Variants in PRKCQ observed in about 807,000 individuals in gnomAD.
The protein encoded by PRKCQ is protein kinase C theta.
PRKCQ carries 41 observed loss-of-function variants against 91.2 expected under a neutral mutation model. The observed-to-expected ratio is 0.45, with a 90% CI of 0.35 to 0.58. The LOEUF is 0.58. Ranked by LOEUF, PRKCQ falls within the 20% of genes least tolerant of loss-of-function variation. PRKCQ has a pLI of 0.00. For missense variants in PRKCQ, 673 were observed against 896.5 expected, an observed-to-expected ratio of 0.75 and a Z score of 3.18; for synonymous variants, 307 against 316.9, an observed-to-expected ratio of 0.97 and a Z score of 0.33.
rs987307086 is a variant in PRKCQ at position 6,506,533 on chromosome 10, G to A, written c.379+903C>T. On this transcript the variant is annotated intron_variant, in intron 4 of 17. Transcript: ENST00000263125. ...GTGTGCCTTTTAAAGAAACATAACC[G>A]CAATATTATTATCACACCTAAAAGA... 3.3e-5 allele frequency among the ~76,000 whole-genome samples: 5 copies of A among 151,868 alleles called. No individual in the cohort carries two copies. The East Asian group carries it at 5.8e-4, about 18-fold the overall frequency.
At chr10:6,496,950 G>A (rs1837649267) in intron 7 of PRKCQ, 85 bp downstream of exon 7, 1 of 1,221,736 alleles carries the variant, frequency 8.2e-7, no homozygotes, top group South Asian at 1.2e-5. Flanking sequence ...GCAAGTTCTG[G>A]CATTATTCTG....
chr10:6,433,901 G>A (rs1478195607), intron 16 of PRKCQ, among the ~76,000 whole-genome samples: 1 of 151,808 alleles, frequency 6.6e-6, no homozygotes, highest in Non-Finnish European at 1.5e-5. Flanking sequence ...TGTGGTGGTG[G>A]ACGCCTGTAA....
intron 1 of PRKCQ, among the ~76,000 whole-genome samples, chr10:6,543,521 T>C (rs1839846065): frequency 6.6e-6 from 1 of 152,196 alleles, no homozygotes; most frequent in Non-Finnish European, 1.5e-5. Context: ...TCAGGCATCA[T>C]TCTAAAGCCA....
intron 4 of PRKCQ, 146 bp from the exon 5 acceptor site, chr10:6,498,704 G>T: frequency 1.4e-6 from 1 of 699,116 alleles, no homozygotes; most frequent in Non-Finnish European, 2.4e-6. Context: ...TACTCATTAT[G>T]GTGGGTACCA....
At chr10:6,441,758 G>T in intron 16 of PRKCQ, 135 bp downstream of exon 16, 1 of 867,710 alleles carries the variant, frequency 1.2e-6, no homozygotes, top group Non-Finnish European at 1.7e-6. Context: ...AACACAGACG[G>T]TGCACATCCC....
chr10:6,439,393 G>A (rs776414801), intron 16 of PRKCQ, among the ~76,000 whole-genome samples: 3 of 152,198 alleles, frequency 2.0e-5, no homozygotes, highest in Admixed American at 6.5e-5. Flanking sequence ...GCAGGTTGGG[G>A]AGAGCTGGTC....
rs747509835 is a variant in PRKCQ, at chr10:6,430,915, C to A, written c.1860G>T (p.Lys620Asn). Residue 620 changes from lysine to asparagine, a missense_variant, in exon 17 of 18, where the codon AAG becomes AAT. Coordinates refer to ENST00000263125, the MANE Select transcript of PRKCQ (RefSeq NM_006257.5). This position sits in a 1 kb window ranked among gnomAD's most constrained non-coding sequence, Gnocchi z 4.7. ...LVKLFVREPEKRLGVRGDIRQ... is the reference protein window; with the variant it reads ...LVKLFVREPENRLGVRGDIRQ... Reference sequence around the variant, plus strand: ...GGATGTCTCCCCTCACGCCCAGCCTCTTCTCAGGTTCTCGCACGAAGAGCT... The same window carrying A: ...GGATGTCTCCCCTCACGCCCAGCCTATTCTCAGGTTCTCGCACGAAGAGCT... 34 of 1,614,124 alleles carry A rather than the reference C, an allele frequency of 2.1e-5. No homozygotes were observed. The South Asian group carries it at 3.3e-4, about 16-fold the overall frequency.
At chr10:6,507,604 A>C in intron 3 of PRKCQ, 108 bp from the exon 4 acceptor site, 2 of 950,722 alleles carry the variant, frequency 2.1e-6, no homozygotes, top group Non-Finnish European at 3.4e-6. Context: ...ACAGAATACA[A>C]TCATTGTTAC....
chr10:6,482,093 G>A (rs1230598205), intron 11 of PRKCQ, among the ~76,000 whole-genome samples: 2 of 151,086 alleles, frequency 1.3e-5, no homozygotes, highest in Admixed American at 6.6e-5. Flanking sequence ...ATGGCAGGAA[G>A]AATTTAGAGG....
At chr10:6,447,196 TAA>T (rs778835485) in intron 15 of PRKCQ, among the ~76,000 whole-genome samples, 12 of 151,580 alleles carry the variant, frequency 7.9e-5, no homozygotes, top group Admixed American at 3.3e-4. Flanking sequence ...ATCATGAGGT[TAA>T]GAGATCGAGA....
intron 1 of PRKCQ, among the ~76,000 whole-genome samples, chr10:6,517,588 CTTTTTTTTTTTTTTTTTTTTT>C (rs56306878): frequency 2.0e-5 from 1 of 49,482 alleles, no homozygotes; most frequent in Non-Finnish European, 3.5e-5. Flanking sequence ...AAGATAGCAT[CTTTTTTTTTTTTTTTTTTTTT>C]TTTTTTTTTT....
In PRKCQ at chr10:6,576,063, G is replaced by A. The variant is rs1372283170; in HGVS notation, c.-10+4148C>T. ...CAAAAAACACAAAACAAAAGACAGC[G>A]TTGCTGAGAATGTGGAATAATTGGG... On this transcript the variant is annotated intron_variant, in intron 1 of 17. Transcript: ENST00000263125. The surrounding 1 kb of genome is among the most constrained non-coding windows in gnomAD (Gnocchi z 4.2). 1.3e-5 allele frequency among the ~76,000 whole-genome samples: 2 copies of A among 151,948 alleles called. No homozygotes were observed. The highest frequency in any genetic ancestry group is 6.6e-5 in the Admixed American group (1 of 15,262).
chr10:6,549,314 G>C (rs935654740), intron 1 of PRKCQ, among the ~76,000 whole-genome samples: 12 of 152,188 alleles, frequency 7.9e-5, no homozygotes, highest in Admixed American at 5.9e-4. Flanking sequence ...AATTTATGTA[G>C]ATAGGGAGGA....
downstream of PRKCQ, among the ~76,000 whole-genome samples, chr10:6,422,339 G>A (rs1406787628): frequency 6.6e-6 from 1 of 152,132 alleles, no homozygotes; most frequent in Non-Finnish European, 1.5e-5. Context: ...TTAGAAAGGA[G>A]GAGACTGAGG....
At position 6,515,067 on chromosome 10, in the gene PRKCQ, C is replaced by T; in HGVS notation, c.69G>A (p.Glu23=). The T allele has an allele frequency of 2.5e-6, 4 of 1,613,820 alleles. No homozygotes were observed. Among genetic ancestry groups the T allele is most frequent in the Non-Finnish European group, 2.5e-6 (3 of 1,179,956 alleles). ...GCACAGCACAGTAAGGGTTAACAGC[C>T]TCGCCCTGACAAGACTGGCAGGACC... ...DCGSCQSCQG[E]AVNPYCAVLV... is the part of the protein sequence containing the mutation. Residue 23 remains glutamate (E), a synonymous_variant, in exon 2 of 18, where the codon GAG becomes GAA. Transcript: ENST00000263125.
At chr10:6,563,511 A>G (rs1840712207) in intron 1 of PRKCQ, among the ~76,000 whole-genome samples, 2 of 152,162 alleles carry the variant, frequency 1.3e-5, no homozygotes, top group Non-Finnish European at 2.9e-5. Flanking sequence ...ACATCGAATC[A>G]GATTTTCTGC....
At chr10:6,536,483 CTT>C (rs1414294286) in intron 1 of PRKCQ, among the ~76,000 whole-genome samples, 1 of 151,932 alleles carries the variant, frequency 6.6e-6, no homozygotes, top group Non-Finnish European at 1.5e-5. Context: ...CCTCATAAGA[CTT>C]TAGTAAGAAG....
intron 14 of PRKCQ, among the ~76,000 whole-genome samples, chr10:6,458,881 C>T (rs1388958061): frequency 6.6e-6 from 1 of 152,112 alleles, no homozygotes. Context: ...TTCTTCTTTC[C>T]ACATCTGCAT....
intron 14 of PRKCQ, among the ~76,000 whole-genome samples, chr10:6,459,605 G>A (rs1172807105): frequency 6.6e-6 from 1 of 152,200 alleles, no homozygotes; most frequent in Non-Finnish European, 1.5e-5. Context: ...AAGATATCAA[G>A]GTGAGATTAT....
Sources: allele counts gnomAD v4.1 joint callset (sites outside exome capture counted in the v4.1 genomes callset), GRCh38; gene constraint gnomAD v4.1.1; non-coding constraint Gnocchi (gnomAD v3.1); transcripts MANE v1.5; gene names NCBI Gene and HGNC (gene_info 2026-07-23, HGNC 2026-07-21).